Variants in TRAPPC9 observed in about 807,000 individuals in gnomAD.
The protein encoded by TRAPPC9 is IKK2 binding protein.
In TRAPPC9, 83 loss-of-function variants were observed where a neutral mutation model predicts 124.0. The ratio of observed to expected loss-of-function variants is 0.67; its 90% CI spans 0.56 to 0.80. The LOEUF (loss-of-function observed/expected upper bound fraction) is 0.80. TRAPPC9 is among the 30% of genes least tolerant of loss of function. The pLI, the probability that TRAPPC9 is intolerant of heterozygous loss-of-function variation, is 0.00. For missense variants in TRAPPC9, 1,302 were observed against 1,508.3 expected (o/e 0.86, Z 2.27); for synonymous variants, 638 against 617.5 (o/e 1.03, Z -0.49).
intron 21 of TRAPPC9, among the ~76,000 whole-genome samples, chr8:139,808,197 G>A (rs185063926): frequency 3.1e-4 from 47 of 152,298 alleles, no homozygotes; most frequent in Admixed American, 1.3e-3. Flanking sequence ...AGTGGCTCAC[G>A]CCTATAATCC....
At chr8:139,805,344 C>G (rs1255430388) in intron 21 of TRAPPC9, among the ~76,000 whole-genome samples, 1 of 152,222 alleles carries the variant, frequency 6.6e-6, no homozygotes, top group Middle Eastern at 3.2e-3. Flanking sequence ...CCAATCCAAC[C>G]TCCTCCCGGT....
chr8:139,762,660 T>C (rs796377029), intron 21 of TRAPPC9, among the ~76,000 whole-genome samples: 8 of 152,344 alleles, frequency 5.3e-5, no homozygotes, highest in African/African-American at 1.9e-4. Context: ...CACCACTGAC[T>C]GAAATGGCAT....
intron 21 of TRAPPC9, among the ~76,000 whole-genome samples, chr8:139,813,633 C>G (rs1824598666): frequency 6.6e-6 from 1 of 152,224 alleles, no homozygotes; most frequent in Admixed American, 6.5e-5. Context: ...TGCCTCTGGG[C>G]CCAGCTCTGC....
intron 7 of TRAPPC9, 64 bp downstream of exon 7, chr8:140,397,556 C>T (rs907679457): frequency 6.3e-7 from 1 of 1,593,964 alleles, no homozygotes; most frequent in South Asian, 1.1e-5. Context: ...AAGCTGAATT[C>T]ATAGTGAATC....
intron 21 of TRAPPC9, among the ~76,000 whole-genome samples, chr8:139,834,254 G>C (rs1826182993): frequency 6.6e-6 from 1 of 152,186 alleles, no homozygotes; most frequent in Non-Finnish European, 1.5e-5. Context: ...GTCAGTCAAG[G>C]TTAGGTATTC....
chr8:140,351,141 A>G (rs1323663334), intron 9 of TRAPPC9, among the ~76,000 whole-genome samples: 1 of 139,878 alleles, frequency 7.1e-6, no homozygotes, highest in Non-Finnish European at 1.5e-5. Context: ...GTAGTCAGGT[A>G]AAGGATGAGG....
intron 21 of TRAPPC9, among the ~76,000 whole-genome samples, chr8:139,799,156 G>A (rs1241127369): frequency 6.6e-6 from 1 of 152,124 alleles, no homozygotes; most frequent in Non-Finnish European, 1.5e-5. Context: ...GAGGTAATAG[G>A]ATCCTGCGGG....
intron 21 of TRAPPC9, among the ~76,000 whole-genome samples, chr8:139,785,537 AACACACACAC>A (rs57202244): frequency 0.012 from 1,713 of 138,290 alleles, 33 homozygotes; most frequent in African/African-American, 0.042. Flanking sequence ...ATCTCTACTA[AACACACACAC>A]ACACACACAC....
chr8:140,041,581 C>G (rs1841277659), intron 17 of TRAPPC9, among the ~76,000 whole-genome samples: 1 of 152,240 alleles, frequency 6.6e-6, no homozygotes, highest in Admixed American at 6.5e-5. Flanking sequence ...ATCACCCAAC[C>G]CCTTCTGCAG....
intron 16 of TRAPPC9, among the ~76,000 whole-genome samples, chr8:140,251,959 G>A (rs1423775451): frequency 2.0e-5 from 3 of 152,084 alleles, no homozygotes; most frequent in Admixed American, 6.5e-5. Context: ...GGGAGCCTGA[G>A]TTGACTGAAA....
chr8:140,302,308 C>T (rs1413203859), intron 10 of TRAPPC9, among the ~76,000 whole-genome samples: 2 of 152,218 alleles, frequency 1.3e-5, no homozygotes, highest in Non-Finnish European at 1.5e-5. Context: ...CTCCCCAGCT[C>T]CCTTCGCTCT....
In TRAPPC9 at chr8:140,405,572, A is replaced by G; in HGVS notation, c.1008+5T>C. On this transcript the variant is annotated splice_donor_5th_base_variant and intron_variant, in intron 6 of 22. Coordinates refer to ENST00000438773, the MANE Select transcript of TRAPPC9 (RefSeq NM_001160372.4). Reference sequence around the variant, plus strand: ...GTAAAAAAAATCACAAAGCCATAAAATCACCTTGCTGTAATAGGAAATCGC... The same window carrying G: ...GTAAAAAAAATCACAAAGCCATAAAGTCACCTTGCTGTAATAGGAAATCGC... 1 of 1,614,110 alleles carries G rather than the reference A, an allele frequency of 6.2e-7. No individual in the cohort carries two copies. The highest frequency in any genetic ancestry group is 1.3e-5 in the African/African-American group (1 of 75,052).
chr8:139,823,006 T>C (rs1825359585), intron 21 of TRAPPC9, among the ~76,000 whole-genome samples: 1 of 152,126 alleles, frequency 6.6e-6, no homozygotes, highest in Non-Finnish European at 1.5e-5. Flanking sequence ...TCCTCAGGTG[T>C]GTGCAGCTCT....
At chr8:140,023,012 G>A (rs1839909815) in intron 18 of TRAPPC9, among the ~76,000 whole-genome samples, 1 of 152,224 alleles carries the variant, frequency 6.6e-6, no homozygotes. Flanking sequence ...GCAGCACACA[G>A]GGCCCACTGG....
rs1465738840 is a variant in TRAPPC9, at chr8:140,284,022, C to T, written c.1982-1G>A. 4 of 1,613,854 alleles carry T rather than the reference C, an allele frequency of 2.5e-6. No homozygotes were observed. Among genetic ancestry groups the T allele is most frequent in the Admixed American group, 1.7e-5 (1 of 59,996 alleles). ...ACACCGAAGACCGTGGTATGGTAACCTGGAATAGAAAAGGAACTTCTTCAC... is the reference window on the plus strand; with the variant it reads ...ACACCGAAGACCGTGGTATGGTAACTTGGAATAGAAAAGGAACTTCTTCAC... On this transcript the variant is annotated splice_acceptor_variant, in intron 13 of 22. Transcript: ENST00000438773. LOFTEE classifies it high-confidence loss of function.
chr8:139,737,476 C>G lies in TRAPPC9; in HGVS notation c.3056-5274G>C, dbSNP rs887602824. Among the ~76,000 whole-genome samples the G allele has an allele frequency of 6.9e-5, 9 of 129,764 alleles. 2 individuals carry two copies. Among genetic ancestry groups the G allele is most frequent in the Non-Finnish European group, 1.4e-4 (8 of 57,270 alleles). 85.1% of individuals were successfully genotyped at this position (129,764 alleles called of 152,430 possible). A position where few individuals can be genotyped will look rare whatever the true frequency, so the allele number is the denominator to read the frequency against. ...GGGGGTCATCAGCCCTCCCCCCCCC[C>G]CCACGGAAAACCCTGAGTCTGGTGT... On this transcript the variant is annotated intron_variant, in intron 21 of 22. Coordinates refer to ENST00000438773, the MANE Select transcript of TRAPPC9 (RefSeq NM_001160372.4).
In TRAPPC9 at chr8:139,961,709, CCTCT is replaced by C. The variant is rs1225099051; in HGVS notation, c.2810+27013_2810+27016del. 4.8e-5 allele frequency among the ~76,000 whole-genome samples: 6 copies of C among 123,834 alleles called. 1 individual carries two copies. Among genetic ancestry groups the C allele is most frequent in the African/African-American group, 1.5e-4 (6 of 39,184 alleles). The allele number at this position is 123,834 out of a possible 152,430, so 81.2% of individuals were successfully genotyped here. A position where few individuals can be genotyped will look rare whatever the true frequency, so the allele number is the denominator to read the frequency against. On this transcript the variant is annotated intron_variant, in intron 19 of 22. Coordinates refer to ENST00000438773, the MANE Select transcript of TRAPPC9 (RefSeq NM_001160372.4). ...AGGGGTGTCTGCTCCCACTGCCTGG[CCTCT>C]CTCAGCTCCTGGTGCCTGCTCTGAT...
intron 17 of TRAPPC9, among the ~76,000 whole-genome samples, chr8:140,101,527 GTTTT>G (rs2060577450): frequency 1.9e-5 from 2 of 107,610 alleles, no homozygotes; most frequent in African/African-American, 7.1e-5. Context: ...GTTTTGTAGG[GTTTT>G]CTTTTTTTTG....
intron 21 of TRAPPC9, among the ~76,000 whole-genome samples, chr8:139,883,185 A>G (rs186035298): frequency 1.6e-3 from 251 of 152,344 alleles, no homozygotes; most frequent in African/African-American, 5.8e-3. Context: ...GAGCTAGCAC[A>G]TGAGTACGCT....
Sources: gnomAD v4.1 joint callset for allele counts (sites outside exome capture counted in the v4.1 genomes callset) on GRCh38, gnomAD v4.1.1 for gene constraint, MANE v1.5 for transcripts, NCBI Gene and HGNC (gene_info 2026-07-23, HGNC 2026-07-21) for gene names.